Variants in MTHFD1L observed in about 807,000 individuals in gnomAD.
MTHFD1L encodes methylenetetrahydrofolate dehydrogenase (NADP+ dependent) 1 like.
A neutral mutation model predicts 119.5 loss-of-function variants in MTHFD1L; 81 were observed. That is an observed-to-expected ratio of 0.68 (90% CI 0.57 to 0.82). MTHFD1L has a LOEUF of 0.82. MTHFD1L is among the 40% of genes least tolerant of loss of function. The pLI is 0.00. For missense variants in MTHFD1L, 1,125 were observed against 1,253.4 expected (o/e 0.90, Z 1.55); for synonymous variants, 430 against 475.2 (o/e 0.90, Z 1.24).
chr6:151,087,132 C>T (rs951630327), intron 26 of MTHFD1L, among the ~76,000 whole-genome samples: 6 of 152,006 alleles, frequency 3.9e-5, no homozygotes, highest in African/African-American at 1.4e-4. Flanking sequence ...ACCTGTAATC[C>T]CAGCTATTTG....
intron 8 of MTHFD1L, among the ~76,000 whole-genome samples, chr6:150,906,465 C>T (rs1785925950): frequency 6.6e-6 from 1 of 152,172 alleles, no homozygotes; most frequent in African/African-American, 2.4e-5. Context: ...CGTAGAAGGA[C>T]TGAGGCTAAG....
At chr6:150,905,506 A>C (rs984004994) in intron 7 of MTHFD1L, 144 bp from the exon 8 acceptor site, 1 of 626,338 alleles carries the variant, frequency 1.6e-6, no homozygotes, top group Non-Finnish European at 2.9e-6. Context: ...CTTGAAAGGA[A>C]TTAGTAAAGC....
At chr6:151,067,874 G>T (rs968877295) in intron 26 of MTHFD1L, among the ~76,000 whole-genome samples, 1 of 152,176 alleles carries the variant, frequency 6.6e-6, no homozygotes, top group South Asian at 2.1e-4. Context: ...TTCCCCTGCC[G>T]ATGTCATGGG....
At chr6:150,941,562 G>A (rs1793118577) in intron 13 of MTHFD1L, among the ~76,000 whole-genome samples, 1 of 152,154 alleles carries the variant, frequency 6.6e-6, no homozygotes, top group Non-Finnish European at 1.5e-5. Flanking sequence ...CCCAGGATGG[G>A]GGCAGTGAGG....
rs1381265706 is a variant in MTHFD1L at position 151,013,772 on chromosome 6, A to G, written c.2266-7A>G. The G allele has an allele frequency of 6.2e-7, 1 of 1,611,008 alleles. No homozygotes were observed. The highest frequency in any genetic ancestry group is 1.1e-5 in the South Asian group (1 of 90,754). On this transcript the variant is annotated splice_polypyrimidine_tract_variant and splice_region_variant and intron_variant, in intron 21 of 27. Coordinates refer to ENST00000367321, the MANE Select transcript of MTHFD1L (RefSeq NM_015440.5). ...ATTATTCTTCATGTTTTCTCTCCTTATTTCAGGTAACGGCTGGTGTTCCTC... is the reference window on the plus strand; with the variant it reads ...ATTATTCTTCATGTTTTCTCTCCTTGTTTCAGGTAACGGCTGGTGTTCCTC...
At chr6:150,984,007 A>G (rs1212083293) in intron 20 of MTHFD1L, among the ~76,000 whole-genome samples, 1 of 152,122 alleles carries the variant, frequency 6.6e-6, no homozygotes, top group Non-Finnish European at 1.5e-5. Flanking sequence ...CCTGAGCTCA[A>G]GTGATCGCCT....
At chr6:150,982,100 AAGAG>A (rs562014750) in intron 20 of MTHFD1L, among the ~76,000 whole-genome samples, 3 of 151,164 alleles carry the variant, frequency 2.0e-5, no homozygotes, top group African/African-American at 4.8e-5. Context: ...TCTTGAAAGA[AAGAG>A]AGAGAGAGAG....
intron 14 of MTHFD1L, 52 bp from the exon 15 acceptor site, chr6:150,945,415 G>T: frequency 6.8e-7 from 1 of 1,470,048 alleles, no homozygotes; most frequent in Non-Finnish European, 9.4e-7. Flanking sequence ...AATTGTCCAA[G>T]TTCATGGACA....
At chr6:150,873,850 A>G (rs1779954521) in intron 1 of MTHFD1L, among the ~76,000 whole-genome samples, 1 of 151,958 alleles carries the variant, frequency 6.6e-6, no homozygotes, top group South Asian at 2.1e-4. Context: ...TTGTATTTTT[A>G]CTAGAGATGG....
At position 150,938,726 on chromosome 6, in the gene MTHFD1L, A is replaced by C; in HGVS notation, c.1421A>C (p.Gln474Pro). 1.9e-6 allele frequency: 3 copies of C among 1,610,698 alleles called. No homozygotes were observed. The highest frequency in any genetic ancestry group is 2.5e-6 in the Non-Finnish European group (3 of 1,178,746). ...GGAGCCGCGGGTGGTGGATATGCCC[A>C]GGTCATCCCCATGGAGGAGGTAAGA... is the stretch of plus-strand genomic sequence containing the variant. ...KGGAAGGGYA[Q>P]VIPMEEFNLH... is the part of the protein sequence containing the mutation. Residue 474 changes from glutamine (Q) to proline (P), a missense_variant, in exon 13 of 28, where the codon CAG (glutamine) becomes CCG (proline). Transcript: ENST00000367321.
chr6:151,089,022 G>C (rs1409533578), intron 26 of MTHFD1L, among the ~76,000 whole-genome samples: 2 of 152,060 alleles, frequency 1.3e-5, no homozygotes, highest in African/African-American at 4.8e-5. Context: ...CTGCCTTCAG[G>C]GTTCTTCTTG....
rs560111951 is a variant in MTHFD1L at position 150,981,783 on chromosome 6, G to A, written c.2125+9725G>A. ...CGTGTAATAATACTCTTCTGATATT[G>A]TTGGCAACATTTTAAAAGGTGGCCA... On this transcript the variant is annotated intron_variant, in intron 20 of 27. Transcript: ENST00000367321. Among the ~76,000 whole-genome samples the A allele has an allele frequency of 3.3e-5, 5 of 152,234 alleles. No homozygotes were observed. The South Asian group carries it at 1.0e-3, about 32-fold the overall frequency.
At chr6:150,948,016 T>G (rs184575160) in intron 15 of MTHFD1L, among the ~76,000 whole-genome samples, 1 of 147,506 alleles carries the variant, frequency 6.8e-6, no homozygotes, top group Non-Finnish European at 1.5e-5. Context: ...TTGTTTTTTG[T>G]TTTTTTTTGA....
rs368857389 is a variant in MTHFD1L at position 151,099,849 on chromosome 6, C to T, written c.*32-1677C>T. 23 of 1,594,942 alleles carry T rather than the reference C, an allele frequency of 1.4e-5. No homozygotes were observed. In the East Asian group the frequency reaches 3.6e-4, roughly 25 times the overall value. ...CTCACAATGTTTCCTCCAAGAACCGCAAAGCCATCGTGGAAAGAGCTGCCC... is the reference window on the plus strand; with the variant it reads ...CTCACAATGTTTCCTCCAAGAACCGTAAAGCCATCGTGGAAAGAGCTGCCC... On this transcript the variant is annotated intron_variant, in intron 27 of 27. Coordinates refer to ENST00000367321, the MANE Select transcript of MTHFD1L (RefSeq NM_015440.5).
chr6:151,000,888 T>C (rs1780521010), intron 20 of MTHFD1L, among the ~76,000 whole-genome samples: 1 of 152,274 alleles, frequency 6.6e-6, no homozygotes, highest in Non-Finnish European at 1.5e-5. Context: ...CTGTCCAGCA[T>C]ACACCTTGCT....
intron 4 of MTHFD1L, among the ~76,000 whole-genome samples, chr6:150,879,653 G>A (rs375060130): frequency 1.5e-4 from 19 of 129,306 alleles, no homozygotes; most frequent in African/African-American, 2.4e-4. Context: ...TTTCTGAGAC[G>A]GAGTCTCACT....
At chr6:150,990,680 T>C (rs1212468199) in intron 20 of MTHFD1L, among the ~76,000 whole-genome samples, 1 of 152,134 alleles carries the variant, frequency 6.6e-6, no homozygotes, top group Non-Finnish European at 1.5e-5. Context: ...CAGCCTGGTC[T>C]TGAACTCCCA....
chr6:151,012,045 A>AAAAAAC (rs1782343327), intron 21 of MTHFD1L, among the ~76,000 whole-genome samples: 1 of 147,566 alleles, frequency 6.8e-6, no homozygotes, highest in Non-Finnish European at 1.5e-5. Flanking sequence ...AAAAAAAAAA[A>AAAAAAC]AAAAAACCAG....
Position 150,932,161 on chromosome 6 carries a change from C to CAAAAAAAAAAAA in MTHFD1L, c.1257-4630_1257-4619dup, listed in dbSNP as rs5880902. Among the ~76,000 whole-genome samples, 2 of 39,474 alleles carry CAAAAAAAAAAAA rather than the reference C, an allele frequency of 5.1e-5. 1 individual carries two copies. Among genetic ancestry groups the CAAAAAAAAAAAA allele is most frequent in the Non-Finnish European group, 8.5e-5 (2 of 23,400 alleles). The allele number at this position is 39,474 out of a possible 152,430, so 25.9% of individuals were successfully genotyped here. A position where few individuals can be genotyped will look rare whatever the true frequency, so the allele number is the denominator to read the frequency against. On this transcript the variant is annotated intron_variant, in intron 11 of 27. Transcript: ENST00000367321. ...TGGGCAACAGAGTGAGACTCCATCT[C>CAAAAAAAAAAAA]AAAAAAAAAAAAAAAAAAAAAAAAG...
Sources: gnomAD v4.1 joint callset for allele counts (sites outside exome capture counted in the v4.1 genomes callset) on GRCh38, gnomAD v4.1.1 for gene constraint, MANE v1.5 for transcripts, NCBI Gene and HGNC (gene_info 2026-07-23, HGNC 2026-07-21) for gene names.